GALNT17: variants seen among roughly 807,000 people sequenced by gnomAD.
GALNT17 encodes the protein UDP-GalNAc:polypeptide N-acetylgalactosaminyltransferase-like 3.
Under a neutral mutation model 63.7 loss-of-function variants are expected in GALNT17, and 29 were observed. The ratio of observed to expected loss-of-function variants is 0.46; its 90% CI spans 0.34 to 0.62. GALNT17 has a LOEUF of 0.62. Ranked by LOEUF, GALNT17 falls within the 20% of genes least tolerant of loss-of-function variation. The probability of loss-of-function intolerance (pLI) is 0.01; values close to 1 mark genes in which losing one functional copy is unlikely to be tolerated. For synonymous variants in GALNT17, 305 were observed against 318.3 expected (o/e 0.96, Z 0.45); for missense variants, 603 against 799.6 (o/e 0.75, Z 2.97).
At chr7:71,179,178 C>G (rs1254012005) in intron 1 of GALNT17, among the ~76,000 whole-genome samples, 1 of 152,070 alleles carries the variant, frequency 6.6e-6, no homozygotes, top group African/African-American at 2.4e-5. Context: ...TCAAAGTCAC[C>G]CCTCTGCTCA....
At chr7:71,162,248 A>G (rs1013864565) in intron 1 of GALNT17, among the ~76,000 whole-genome samples, 6 of 151,706 alleles carry the variant, frequency 4.0e-5, no homozygotes, top group Non-Finnish European at 7.4e-5. Flanking sequence ...GATCAGTAAC[A>G]TTCCTAAAGG....
intron 5 of GALNT17, among the ~76,000 whole-genome samples, chr7:71,529,461 AT>A (rs2116774825): frequency 6.6e-6 from 1 of 152,352 alleles, no homozygotes; most frequent in South Asian, 2.1e-4. Flanking sequence ...TCACAGATGT[AT>A]AAGATTTAAA....
intron 1 of GALNT17, among the ~76,000 whole-genome samples, chr7:71,189,505 G>T (rs1485725718): frequency 6.6e-6 from 1 of 152,160 alleles, no homozygotes; most frequent in African/African-American, 2.4e-5. Flanking sequence ...ACTAGCTGGT[G>T]TGCAGGTCTC....
intron 1 of GALNT17, among the ~76,000 whole-genome samples, chr7:71,220,852 G>GA (rs1279009439): frequency 6.6e-6 from 1 of 152,088 alleles, no homozygotes; most frequent in African/African-American, 2.4e-5. Context: ...CCAGAACTGT[G>GA]AAAAAATAAA....
At chr7:71,204,874 T>G (rs1789241974) in intron 1 of GALNT17, among the ~76,000 whole-genome samples, 4 of 152,086 alleles carry the variant, frequency 2.6e-5, no homozygotes. Flanking sequence ...GCCTCTCAAG[T>G]AGCTGGGATT....
At chr7:71,162,098 TC>T (rs1230812168) in intron 1 of GALNT17, among the ~76,000 whole-genome samples, 1 of 99,076 alleles carries the variant, frequency 1.0e-5, no homozygotes, top group East Asian at 3.6e-4. Context: ...CCTCCCTCCC[TC>T]CCTTCCTTCC....
intron 5 of GALNT17, among the ~76,000 whole-genome samples, chr7:71,516,687 C>G (rs1208912671): frequency 6.6e-6 from 1 of 152,094 alleles, no homozygotes; most frequent in Non-Finnish European, 1.5e-5. Flanking sequence ...AGCCCAAGGG[C>G]TGGGCAGGTG....
intron 2 of GALNT17, among the ~76,000 whole-genome samples, chr7:71,362,741 G>C (rs1042397912): frequency 1.3e-5 from 2 of 151,962 alleles, no homozygotes; most frequent in Non-Finnish European, 2.9e-5. Flanking sequence ...TACGGGAAAC[G>C]CTCCACCTAA....
At chr7:71,570,468 T>A (rs997104263) in intron 5 of GALNT17, among the ~76,000 whole-genome samples, 2 of 152,092 alleles carry the variant, frequency 1.3e-5, no homozygotes, top group African/African-American at 2.4e-5. Context: ...CCTAACTTGC[T>A]CATTCTCTTT....
At chr7:71,461,160 T>C (rs897239575) in intron 5 of GALNT17, among the ~76,000 whole-genome samples, 4 of 152,276 alleles carry the variant, frequency 2.6e-5, no homozygotes, top group African/African-American at 9.6e-5. Flanking sequence ...ACTCAAGCCA[T>C]TGAAGAATAT....
intron 5 of GALNT17, among the ~76,000 whole-genome samples, chr7:71,570,982 A>G (rs1387546051): frequency 6.6e-6 from 1 of 152,200 alleles, no homozygotes; most frequent in East Asian, 1.9e-4. Context: ...CCGACTCAAA[A>G]CAAAAACAAA....
intron 1 of GALNT17, among the ~76,000 whole-genome samples, chr7:71,309,544 C>T (rs916403478): frequency 1.3e-5 from 2 of 152,088 alleles, no homozygotes; most frequent in South Asian, 4.2e-4. Context: ...TTTGTCGTGT[C>T]ATTTACTGCA....
chr7:71,332,474 C>T (rs1043460590), intron 1 of GALNT17, among the ~76,000 whole-genome samples: 17 of 152,120 alleles, frequency 1.1e-4, no homozygotes, highest in Non-Finnish European at 2.1e-4. Context: ...GACTCAACTC[C>T]GATTTTAACT....
chr7:71,239,076 G>C (rs1405377166), intron 1 of GALNT17, among the ~76,000 whole-genome samples: 1 of 152,146 alleles, frequency 6.6e-6, no homozygotes, highest in Non-Finnish European at 1.5e-5. Flanking sequence ...CCAGCCGACA[G>C]TCCCATTGCA....
At chr7:71,634,300 C>T (rs1215735917) in intron 6 of GALNT17, among the ~76,000 whole-genome samples, 2 of 152,116 alleles carry the variant, frequency 1.3e-5, no homozygotes, top group African/African-American at 4.8e-5. Flanking sequence ...AAGAGTCAAA[C>T]TCTGTAAAAT....
intron 3 of GALNT17, among the ~76,000 whole-genome samples, chr7:71,392,822 T>C (rs2116359126): frequency 7.2e-6 from 1 of 138,204 alleles, no homozygotes; most frequent in Non-Finnish European, 1.6e-5. Context: ...TCTATGTTTT[T>C]TCCCCGGGCC....
chr7:71,366,925 C>A (rs1178868787), intron 2 of GALNT17, among the ~76,000 whole-genome samples: 2 of 152,158 alleles, frequency 1.3e-5, no homozygotes, highest in African/African-American at 4.8e-5. Flanking sequence ...TTGATCATCT[C>A]TTCATGTATT....
At chr7:71,481,272 C>T (rs945525819) in intron 5 of GALNT17, among the ~76,000 whole-genome samples, 1 of 152,022 alleles carries the variant, frequency 6.6e-6, no homozygotes, top group Non-Finnish European at 1.5e-5. Flanking sequence ...CATGGTGAAA[C>T]CTCATCTCTA....
At chr7:71,505,320 C>T (rs1344879122) in intron 5 of GALNT17, among the ~76,000 whole-genome samples, 4 of 151,848 alleles carry the variant, frequency 2.6e-5, no homozygotes, top group Non-Finnish European at 5.9e-5. Context: ...CTCCTGGGGC[C>T]AGGCACAGTG....
Sources: allele counts gnomAD v4.1 joint callset (sites outside exome capture counted in the v4.1 genomes callset), GRCh38; gene constraint gnomAD v4.1.1; transcripts MANE v1.5; gene names NCBI Gene and HGNC (gene_info 2026-07-23, HGNC 2026-07-21).